The following CFAP141 variants were observed in gnomAD, a reference collection of about 807,000 sequenced individuals.
CFAP141 encodes cilia- and flagella-associated protein 141.
At chr1:154,206,165 T>A in the CFAP141 span, 1 of 1,015,850 alleles carries the variant, frequency 9.8e-7, no homozygotes, top group Non-Finnish European at 1.6e-6. Flanking sequence ...CTAACTACAT[T>A]ATACCCTTGT....
the CFAP141 span, chr1:154,205,573 A>G: frequency 3.1e-6 from 5 of 1,610,638 alleles, no homozygotes; most frequent in Non-Finnish European, 4.2e-6. Context: ...CTCAAAGGTA[A>G]AGGGAGGGGA....
the CFAP141 span, chr1:154,206,283 C>T: frequency 6.2e-7 from 1 of 1,614,114 alleles, no homozygotes. Flanking sequence ...ACCTCTTCTA[C>T]TTTTGTCATC....
chr1:154,205,456 G>A, the CFAP141 span: 7 of 771,542 alleles, frequency 9.1e-6, no homozygotes, highest in East Asian at 1.7e-4. Context: ...TGAGGACAAG[G>A]CTGCTTCTCA....
the CFAP141 span, chr1:154,200,356 A>C: frequency 7.9e-7 from 1 of 1,268,358 alleles, no homozygotes; most frequent in South Asian, 1.4e-5. Flanking sequence ...AGAGGCAAAC[A>C]AGATAAATGT....
the CFAP141 span, among the ~76,000 whole-genome samples, chr1:154,204,091 CAATA>C: frequency 3.3e-5 from 5 of 151,358 alleles, no homozygotes; most frequent in Non-Finnish European, 5.9e-5. Context: ...AACTCCATCT[CAATA>C]AATAAATAAA....
At chr1:154,204,734 A>G in the CFAP141 span, among the ~76,000 whole-genome samples, 1 of 124,672 alleles carries the variant, frequency 8.0e-6, no homozygotes, top group South Asian at 2.5e-4. Flanking sequence ...GCTAATTTTA[A>G]TTTTTTTGGT....
At chr1:154,205,019 C>T in the CFAP141 span, among the ~76,000 whole-genome samples, 3 of 151,468 alleles carry the variant, frequency 2.0e-5, no homozygotes, top group South Asian at 2.1e-4. Flanking sequence ...GTAGCTGGGA[C>T]TACAGGCGCA....
the CFAP141 span, among the ~76,000 whole-genome samples, chr1:154,200,832 G>T: frequency 6.6e-6 from 1 of 152,126 alleles, no homozygotes; most frequent in East Asian, 1.9e-4. Flanking sequence ...ACAGGTGCCT[G>T]GCACCATGCC....
chr1:154,200,859 T>G, the CFAP141 span, among the ~76,000 whole-genome samples: 1 of 151,962 alleles, frequency 6.6e-6, no homozygotes, highest in Non-Finnish European at 1.5e-5. Flanking sequence ...ATTTTTTGTA[T>G]TTTTAGTAGA....
At chr1:154,206,316 A>C in the CFAP141 span, 1 of 1,613,730 alleles carries the variant, frequency 6.2e-7, no homozygotes, top group Non-Finnish European at 8.5e-7. Flanking sequence ...ATGTCTATAG[A>C]TTTGCTTGAT....
chr1:154,200,330 G>A, the CFAP141 span: 31 of 942,422 alleles, frequency 3.3e-5, no homozygotes, highest in East Asian at 6.4e-4. Context: ...TTGCTCTGGT[G>A]TAATGCTGAA....
the CFAP141 span, chr1:154,205,581 G>A: frequency 2.5e-6 from 4 of 1,611,986 alleles, no homozygotes; most frequent in South Asian, 1.1e-5. Context: ...TAAAGGGAGG[G>A]GATAGAAGCA....
At chr1:154,201,959 C>A in the CFAP141 span, among the ~76,000 whole-genome samples, 1 of 147,914 alleles carries the variant, frequency 6.8e-6, no homozygotes, top group Non-Finnish European at 1.5e-5. Context: ...TTTTTGGAGA[C>A]AGAGTCTCAC....
chr1:154,204,689 G>A, the CFAP141 span, among the ~76,000 whole-genome samples: 676 of 151,920 alleles, frequency 4.4e-3, 8 homozygotes, highest in African/African-American at 0.015. Flanking sequence ...AGTCTCCTGA[G>A]TGGCTGAGAC....
At chr1:154,200,641 G>A in the CFAP141 span, 52 of 1,591,128 alleles carry the variant, frequency 3.3e-5, no homozygotes, top group Non-Finnish European at 4.2e-5. Flanking sequence ...GTTAGGAGTA[G>A]AGACAAAAAA....
chr1:154,199,825 GGA>G, the CFAP141 span, among the ~76,000 whole-genome samples: 1 of 152,030 alleles, frequency 6.6e-6, no homozygotes, highest in African/African-American at 2.4e-5. Flanking sequence ...GGGGACCCCG[GGA>G]GAGAGAGAGG....
At chr1:154,203,676 C>G in the CFAP141 span, among the ~76,000 whole-genome samples, 1 of 152,228 alleles carries the variant, frequency 6.6e-6, no homozygotes, top group South Asian at 2.1e-4. Flanking sequence ...CTTGGTCTCC[C>G]AAAGTGCTGG....
At chr1:154,199,834 G>C in the CFAP141 span, among the ~76,000 whole-genome samples, 1 of 152,166 alleles carries the variant, frequency 6.6e-6, no homozygotes, top group Non-Finnish European at 1.5e-5. Context: ...GGGAGAGAGA[G>C]AGGTACCGAG....
At chr1:154,204,855 C>A in the CFAP141 span, among the ~76,000 whole-genome samples, 1 of 151,448 alleles carries the variant, frequency 6.6e-6, no homozygotes, top group Non-Finnish European at 1.5e-5. Flanking sequence ...AACCACCATG[C>A]CAGGCTTGCA....
Sources: allele counts gnomAD v4.1 joint callset (sites outside exome capture counted in the v4.1 genomes callset), GRCh38; gene constraint gnomAD v4.1.1; transcripts MANE v1.5; gene names NCBI Gene and HGNC (gene_info 2026-07-23, HGNC 2026-07-21).